NPAS3: variants seen among roughly 807,000 people sequenced by gnomAD.
NPAS3 encodes the protein neuronal PAS domain-containing protein 3.
Under a neutral mutation model 73.1 loss-of-function variants are expected in NPAS3, and 14 were observed. The observed-to-expected ratio is 0.19, with a 90% CI of 0.13 to 0.30. NPAS3 has a LOEUF of 0.30. Ranked by LOEUF, NPAS3 falls within the 10% of genes least tolerant of loss-of-function variation. NPAS3 has a pLI of 1.00. For missense variants in NPAS3, 1,096 were observed against 1,250.0 expected, an observed-to-expected ratio of 0.88 and a Z score of 1.86; for synonymous variants, 620 against 541.5, an observed-to-expected ratio of 1.14 and a Z score of -2.01.
chr14:33,748,855 C>A (rs2061879539), intron 7 of NPAS3, among the ~76,000 whole-genome samples: 1 of 152,170 alleles, frequency 6.6e-6, no homozygotes, highest in African/African-American at 2.4e-5. Context: ...TTCCCAGGAA[C>A]AGCCCCTGAT....
chr14:33,481,014 AAG>A (rs1206893757), intron 4 of NPAS3, among the ~76,000 whole-genome samples: 1 of 152,126 alleles, frequency 6.6e-6, no homozygotes, highest in Non-Finnish European at 1.5e-5. Flanking sequence ...CCCGTTTATC[AAG>A]AGATAATAGG....
intron 4 of NPAS3, among the ~76,000 whole-genome samples, chr14:33,415,640 G>A (rs2048115256): frequency 6.6e-6 from 1 of 152,066 alleles, no homozygotes; most frequent in Admixed American, 6.6e-5. Flanking sequence ...TGTATAAAAT[G>A]CCTCTTGTCT....
At chr14:33,307,593 A>ATGTG (rs10528551) in intron 3 of NPAS3, among the ~76,000 whole-genome samples, 9 of 138,948 alleles carry the variant, frequency 6.5e-5, no homozygotes, top group African/African-American at 1.6e-4. Flanking sequence ...TTTTTTTTCA[A>ATGTG]TGTGTGTGTG....
chr14:33,753,941 G>C (rs1252533232), intron 7 of NPAS3, among the ~76,000 whole-genome samples: 1 of 152,142 alleles, frequency 6.6e-6, no homozygotes, highest in Non-Finnish European at 1.5e-5. Context: ...CCTCAGCACA[G>C]AAGAAGCTCC....
intron 5 of NPAS3, among the ~76,000 whole-genome samples, chr14:33,566,674 T>C (rs551445429): frequency 6.6e-6 from 1 of 152,320 alleles, no homozygotes; most frequent in African/African-American, 2.4e-5. Flanking sequence ...ATCGCCACCT[T>C]GAGCAGAGTG....
At chr14:33,125,779 C>T (rs1005484949) in intron 2 of NPAS3, among the ~76,000 whole-genome samples, 1 of 152,058 alleles carries the variant, frequency 6.6e-6, no homozygotes, top group Admixed American at 6.6e-5. Context: ...AAACAAAAAT[C>T]TTTAAACCAT....
At chr14:33,391,924 G>C (rs2138615477) in intron 4 of NPAS3, among the ~76,000 whole-genome samples, 1 of 152,296 alleles carries the variant, frequency 6.6e-6, no homozygotes, top group East Asian at 1.9e-4. Context: ...AAATGAGTAA[G>C]AGAATGGTAT....
chr14:33,471,768 C>T (rs182005788), intron 4 of NPAS3, among the ~76,000 whole-genome samples: 7 of 152,300 alleles, frequency 4.6e-5, no homozygotes, highest in South Asian at 2.1e-4. Flanking sequence ...CCCCAACCCC[C>T]GGTACTGGTC....
chr14:33,467,221 G>C (rs991485008), intron 4 of NPAS3, among the ~76,000 whole-genome samples: 9 of 152,172 alleles, frequency 5.9e-5, no homozygotes, highest in Admixed American at 2.6e-4. Context: ...GGAAGAAAAG[G>C]CTTAGGGATT....
chr14:33,401,415 A>G (rs938571395), intron 4 of NPAS3, among the ~76,000 whole-genome samples: 3 of 152,076 alleles, frequency 2.0e-5, no homozygotes, highest in Non-Finnish European at 4.4e-5. Flanking sequence ...TGGCGTAGGG[A>G]AGTGTTAAAT....
chr14:33,096,138 TCATA>T (rs2042412695), intron 2 of NPAS3, among the ~76,000 whole-genome samples: 1 of 151,894 alleles, frequency 6.6e-6, no homozygotes, highest in Non-Finnish European at 1.5e-5. Flanking sequence ...TAGGAAGATT[TCATA>T]CATTTCTATG....
At chr14:33,316,033 A>G (rs2043195481) in intron 3 of NPAS3, among the ~76,000 whole-genome samples, 2 of 152,094 alleles carry the variant, frequency 1.3e-5, no homozygotes, top group South Asian at 2.1e-4. Flanking sequence ...TTCCTTTTGC[A>G]GTTTTATAGA....
chr14:33,236,567 G>C (rs2048041754), intron 3 of NPAS3, among the ~76,000 whole-genome samples: 1 of 152,028 alleles, frequency 6.6e-6, no homozygotes, highest in Non-Finnish European at 1.5e-5. Context: ...GGTGCAGTGT[G>C]AGTTGCTTAT....
At chr14:33,794,103 A>C in intron 10 of NPAS3, 59 bp downstream of exon 10, 2 of 1,479,720 alleles carry the variant, frequency 1.4e-6, no homozygotes, top group Non-Finnish European at 1.9e-6. Flanking sequence ...CATATAAAAT[A>C]TGGCTATGGT....
At chr14:33,748,914 A>G (rs752228763) in intron 7 of NPAS3, among the ~76,000 whole-genome samples, 9 of 152,210 alleles carry the variant, frequency 5.9e-5, no homozygotes, top group Non-Finnish European at 1.3e-4. Flanking sequence ...CCAAAGGGTC[A>G]TTCAGAGTCA....
intron 5 of NPAS3, among the ~76,000 whole-genome samples, chr14:33,599,454 T>C (rs760887898): frequency 6.6e-6 from 1 of 152,202 alleles, no homozygotes; most frequent in Non-Finnish European, 1.5e-5. Context: ...GTAAGGCATA[T>C]AAACTAATGA....
At chr14:33,758,832 T>G (rs765919641) in intron 7 of NPAS3, among the ~76,000 whole-genome samples, 8 of 152,346 alleles carry the variant, frequency 5.3e-5, no homozygotes, top group Non-Finnish European at 1.2e-4. Context: ...CTAATTTCCT[T>G]GTTGATTAAT....
chr14:33,325,149 A>G (rs2043637224), intron 3 of NPAS3, among the ~76,000 whole-genome samples: 1 of 152,124 alleles, frequency 6.6e-6, no homozygotes, highest in Non-Finnish European at 1.5e-5. Context: ...GGGTTTGATG[A>G]ACCAATTTTT....
chr14:32,948,210 T>C (rs1022460427), intron 1 of NPAS3, among the ~76,000 whole-genome samples: 7 of 152,202 alleles, frequency 4.6e-5, no homozygotes, highest in African/African-American at 1.7e-4. Context: ...AGTTAATTTC[T>C]TGAATGCTGT....
Sources: gnomAD v4.1 joint callset for allele counts (sites outside exome capture counted in the v4.1 genomes callset) on GRCh38, gnomAD v4.1.1 for gene constraint, MANE v1.5 for transcripts, NCBI Gene and HGNC (gene_info 2026-07-23, HGNC 2026-07-21) for gene names.